Variants in BABAM2 observed in about 807,000 individuals in gnomAD.
BABAM2 encodes the protein BRISC and BRCA1 A complex member 2.
Under a neutral mutation model 54.7 loss-of-function variants are expected in BABAM2, and 31 were observed. The observed-to-expected ratio is 0.57, with a 90% CI of 0.43 to 0.77. The LOEUF is 0.77. BABAM2 is among the 30% of genes least tolerant of loss of function. The pLI is 0.00. For synonymous variants in BABAM2, 167 were observed against 162.9 expected, an observed-to-expected ratio of 1.03 and a Z score of -0.19; for missense variants, 364 against 455.8, an observed-to-expected ratio of 0.80 and a Z score of 1.83.
intron 8 of BABAM2, among the ~76,000 whole-genome samples, chr2:28,240,798 A>C (rs1349391267): frequency 6.7e-6 from 1 of 149,708 alleles, no homozygotes; most frequent in Non-Finnish European, 1.5e-5. Context: ...TGAACCCAGG[A>C]GGTGGAGGTT....
chr2:28,105,094 C>T (rs990139948), intron 6 of BABAM2, among the ~76,000 whole-genome samples: 4 of 151,900 alleles, frequency 2.6e-5, no homozygotes, highest in East Asian at 1.9e-4. Context: ...ATGTAAATGA[C>T]GAGTTAATGG....
intron 7 of BABAM2, among the ~76,000 whole-genome samples, chr2:28,225,691 A>G (rs1258034831): frequency 2.0e-5 from 3 of 151,692 alleles, no homozygotes; most frequent in African/African-American, 7.3e-5. Flanking sequence ...AAAATCATAT[A>G]AATAGCTCCC....
chr2:27,992,197 A>G (rs569028051), intron 4 of BABAM2, among the ~76,000 whole-genome samples: 3 of 152,266 alleles, frequency 2.0e-5, no homozygotes, highest in South Asian at 4.1e-4. Flanking sequence ...AGAAATGTCT[A>G]TTCAGATCCT....
intron 10 of BABAM2, among the ~76,000 whole-genome samples, chr2:28,262,353 T>C (rs1486292887): frequency 6.6e-6 from 1 of 152,186 alleles, no homozygotes; most frequent in Non-Finnish European, 1.5e-5. Context: ...TATTTGCTTT[T>C]ATAAGAATAC....
intron 3 of BABAM2, among the ~76,000 whole-genome samples, chr2:27,969,689 G>T (rs538102022): frequency 1.3e-5 from 2 of 152,168 alleles, no homozygotes; most frequent in African/African-American, 2.4e-5. Context: ...GGCTCGGGAC[G>T]GGGGAGGAGG....
rs140224347 is a variant in BABAM2, at chr2:28,268,654, G to A, written c.934+23792G>A. 1.3e-3 allele frequency among the ~76,000 whole-genome samples: 193 copies of A among 152,316 alleles called. 1 individual carries two copies. Among genetic ancestry groups the A allele is most frequent in the African/African-American group, 4.4e-3 (184 of 41,568 alleles). On this transcript the variant is annotated intron_variant, in intron 10 of 11. Transcript: ENST00000379624. ...TTGAGAAGGTAATTCTGATAAACTGGTTTTCCTAATGCTGTGGAGTTGACC... is the reference window on the plus strand; with the variant it reads ...TTGAGAAGGTAATTCTGATAAACTGATTTTCCTAATGCTGTGGAGTTGACC...
At chr2:28,033,384 T>C (rs1405091102) in intron 5 of BABAM2, among the ~76,000 whole-genome samples, 1 of 152,090 alleles carries the variant, frequency 6.6e-6, no homozygotes, top group East Asian at 1.9e-4. Context: ...ATTTATTCCT[T>C]ACAGTTATAG....
At chr2:28,062,043 A>G (rs939157183) in intron 6 of BABAM2, among the ~76,000 whole-genome samples, 17 of 152,168 alleles carry the variant, frequency 1.1e-4, no homozygotes, top group Non-Finnish European at 2.1e-4. Context: ...GGATCACCTG[A>G]GGTCAGGAGT....
At chr2:28,259,164 A>G (rs1338192034) in intron 10 of BABAM2, among the ~76,000 whole-genome samples, 1 of 100,240 alleles carries the variant, frequency 1.0e-5, no homozygotes, top group Non-Finnish European at 1.9e-5. Flanking sequence ...CTGGGCTCAC[A>G]GCAATCTCCA....
intron 11 of BABAM2, among the ~76,000 whole-genome samples, chr2:28,302,848 A>G (rs1688215582): frequency 6.6e-6 from 1 of 152,144 alleles, no homozygotes; most frequent in South Asian, 2.1e-4. Context: ...GCATCTTGGC[A>G]TGTGCTTATT....
At chr2:27,908,417 A>G (rs1239301585) in intron 2 of BABAM2, among the ~76,000 whole-genome samples, 1 of 152,008 alleles carries the variant, frequency 6.6e-6, no homozygotes, top group African/African-American at 2.4e-5. Context: ...GGACTAAAGC[A>G]CATACTACCA....
intron 11 of BABAM2, chr2:28,309,424 C>T (rs928234290): frequency 6.6e-6 from 1 of 152,180 alleles, no homozygotes; most frequent in Non-Finnish European, 1.5e-5. Flanking sequence ...CCATCACATT[C>T]ACAATCCTGG....
intron 5 of BABAM2, among the ~76,000 whole-genome samples, chr2:28,044,988 A>G (rs889366520): frequency 4.6e-5 from 7 of 151,720 alleles, no homozygotes; most frequent in African/African-American, 1.5e-4. Flanking sequence ...CTAGACTATG[A>G]CAAAGTTAAA....
At chr2:28,078,647 G>A (rs191160634) in intron 6 of BABAM2, among the ~76,000 whole-genome samples, 28 of 152,256 alleles carry the variant, frequency 1.8e-4, no homozygotes, top group African/African-American at 6.5e-4. Context: ...GGGAGAATGG[G>A]GATTAGAGTG....
chr2:28,118,349 G>A (rs1324523043), intron 6 of BABAM2, among the ~76,000 whole-genome samples: 6 of 152,124 alleles, frequency 3.9e-5, no homozygotes, highest in South Asian at 2.1e-4. Flanking sequence ...AGTGTAAAGC[G>A]TTCCTGTTTC....
Position 28,322,488 on chromosome 2 carries a change from G to A in BABAM2, c.1089-15962G>A, listed in dbSNP as rs1690103668. Among the ~76,000 whole-genome samples the A allele has an allele frequency of 2.6e-5, 4 of 152,264 alleles. No individual in the cohort carries two copies. In the South Asian group the frequency reaches 8.3e-4, roughly 31 times the overall value. On this transcript the variant is annotated intron_variant, in intron 11 of 11. Coordinates refer to ENST00000379624, the MANE Select transcript of BABAM2 (RefSeq NM_199191.3). This position sits in a 1 kb window ranked among gnomAD's most constrained non-coding sequence, Gnocchi z 4.1. ...GCGCCTTTGAGCAACGCGCTCTCAA[G>A]GTGTTCCAGCAGGGTGAGGATCACC...
At chr2:28,298,242 T>C in intron 10 of BABAM2, 96 bp from the exon 11 acceptor site, 1 of 1,317,824 alleles carries the variant, frequency 7.6e-7, no homozygotes, top group Non-Finnish European at 1.1e-6. Flanking sequence ...GTGGTTCAAA[T>C]AGAGTTTCGT....
chr2:28,082,619 A>G (rs1476683666), intron 6 of BABAM2, among the ~76,000 whole-genome samples: 2 of 152,362 alleles, frequency 1.3e-5, no homozygotes, highest in East Asian at 3.9e-4. Flanking sequence ...GAATCCTCAG[A>G]TAATGATCAC....
chr2:28,127,639 A>G (rs561537448), intron 6 of BABAM2, among the ~76,000 whole-genome samples: 33 of 152,218 alleles, frequency 2.2e-4, no homozygotes, highest in African/African-American at 7.5e-4. Context: ...ACACTCATCC[A>G]TCTTATACAC....
Sources: gnomAD v4.1 joint callset for allele counts (sites outside exome capture counted in the v4.1 genomes callset) on GRCh38, gnomAD v4.1.1 for gene constraint, Gnocchi (gnomAD v3.1) non-coding constraint, MANE v1.5 for transcripts, NCBI Gene and HGNC (gene_info 2026-07-23, HGNC 2026-07-21) for gene names.